SOX5: variants seen among roughly 807,000 people sequenced by gnomAD.
The protein encoded by SOX5 is transcription factor SOX-5.
In SOX5, 9 loss-of-function variants were observed where a neutral mutation model predicts 92.0. The ratio of observed to expected loss-of-function variants is 0.10; its 90% CI spans 0.06 to 0.17. The LOEUF is 0.17. Among genes scored for constraint, SOX5 ranks in the 10% least tolerant of loss-of-function variants. SOX5 has a pLI of 1.00. For synonymous variants in SOX5, 344 were observed against 336.3 expected (o/e 1.02, Z -0.25); for missense variants, 642 against 944.5 (o/e 0.68, Z 4.20).
chr12:24,012,199 G>A (rs1953026370), intron 4 of SOX5, among the ~76,000 whole-genome samples: 1 of 152,150 alleles, frequency 6.6e-6, no homozygotes. Context: ...ACAAGTGGTT[G>A]TTTATTTTTA....
intron 1 of SOX5, among the ~76,000 whole-genome samples, chr12:24,436,831 A>G (rs898543587): frequency 3.3e-5 from 5 of 152,196 alleles, no homozygotes; most frequent in Non-Finnish European, 7.3e-5. Flanking sequence ...GGGCTAATGC[A>G]CCTGGTGACT....
At chr12:23,660,283 G>A (rs2082864006) in intron 7 of SOX5, among the ~76,000 whole-genome samples, 1 of 152,168 alleles carries the variant, frequency 6.6e-6, no homozygotes. Flanking sequence ...TAATAAGACA[G>A]GCACAATATT....
intron 4 of SOX5, among the ~76,000 whole-genome samples, chr12:24,182,392 A>C (rs1020296184): frequency 1.3e-5 from 2 of 152,234 alleles, no homozygotes; most frequent in East Asian, 1.9e-4. Context: ...CATAAATCAG[A>C]TATCAGTCCA....
chr12:23,645,940 A>G (rs532016809), intron 7 of SOX5, among the ~76,000 whole-genome samples: 56 of 152,352 alleles, frequency 3.7e-4, no homozygotes, highest in Non-Finnish European at 6.9e-4. Flanking sequence ...CAGTACATAT[A>G]AGTCGTGTTT....
At position 24,424,814 on chromosome 12, in the gene SOX5, G is replaced by GGT. The variant is rs530876907; in HGVS notation, c.-250-56176_-250-56175insAC. Among the ~76,000 whole-genome samples the GGT allele has an allele frequency of 3.3e-5, 5 of 150,818 alleles. No individual in the cohort carries two copies. In the South Asian group the frequency reaches 6.4e-4, roughly 19 times the overall value. On this transcript the variant is annotated intron_variant, in intron 1 of 4. Transcript: ENST00000446891. ...TCTTTGTGAGTTTTTTTTTTGGGGG[G>GGT]GGGGGATGGCTGTTTTTCCCCCTAG...
upstream of SOX5, among the ~76,000 whole-genome samples, chr12:23,952,164 T>C (rs1290765995): frequency 6.6e-6 from 1 of 151,788 alleles, no homozygotes; most frequent in East Asian, 1.9e-4. Context: ...AGAAGGAGGA[T>C]GGGTGAGTTA....
chr12:24,029,739 T>TGAAAGAAGAAGGAATTAG, intron 4 of SOX5, among the ~76,000 whole-genome samples: 1 of 152,090 alleles, frequency 6.6e-6, no homozygotes, highest in East Asian at 1.9e-4. Context: ...TTTAAGTTCA[T>TGAAAGAAGAAGGAATTAG]GAAAGAAGAA....
intron 3 of SOX5, among the ~76,000 whole-genome samples, chr12:23,803,908 A>C (rs1314662020): frequency 6.6e-6 from 1 of 152,246 alleles, no homozygotes; most frequent in Non-Finnish European, 1.5e-5. Context: ...ATAGAATCTC[A>C]TCTGTGTGAT....
chr12:23,923,622 C>T (rs1350278411), intron 1 of SOX5, among the ~76,000 whole-genome samples: 3 of 152,082 alleles, frequency 2.0e-5, no homozygotes, highest in African/African-American at 4.8e-5. Flanking sequence ...ATAATGCAAT[C>T]CCCGCCCCAA....
At chr12:23,547,494 A>C (rs1943366667) in intron 11 of SOX5, among the ~76,000 whole-genome samples, 1 of 152,142 alleles carries the variant, frequency 6.6e-6, no homozygotes, top group Admixed American at 6.6e-5. Flanking sequence ...GATGTAAGAT[A>C]ATTGTATTAC....
intron 1 of SOX5, among the ~76,000 whole-genome samples, chr12:23,905,805 T>C (rs1329416887): frequency 6.6e-6 from 1 of 152,172 alleles, no homozygotes; most frequent in East Asian, 1.9e-4. Flanking sequence ...TATCAATACT[T>C]TTCTCATGAT....
chr12:23,936,022 T>A (rs1569118201), intron 1 of SOX5, among the ~76,000 whole-genome samples: 1 of 150,908 alleles, frequency 6.6e-6, no homozygotes, highest in African/African-American at 2.4e-5. Context: ...TGAAATGAGG[T>A]AAAAAAATAA....
intron 9 of SOX5, among the ~76,000 whole-genome samples, chr12:23,577,914 G>A (rs1949423430): frequency 6.6e-6 from 1 of 151,554 alleles, no homozygotes; most frequent in Admixed American, 6.6e-5. Context: ...GAGGTCAGGA[G>A]ATTGAGACTA....
chr12:24,543,516 A>T (rs1212788629), intron 1 of SOX5, among the ~76,000 whole-genome samples: 1 of 152,146 alleles, frequency 6.6e-6, no homozygotes, highest in Non-Finnish European at 1.5e-5. Context: ...GTGAAACTCC[A>T]TCTCTACCAA....
At chr12:24,471,770 G>A (rs1944846814) in intron 1 of SOX5, among the ~76,000 whole-genome samples, 1 of 151,934 alleles carries the variant, frequency 6.6e-6, no homozygotes, top group South Asian at 2.1e-4. Context: ...AAATGAAAAT[G>A]GTGTAGCTTT....
At chr12:24,555,557 C>A (rs1327286143) in intron 1 of SOX5, among the ~76,000 whole-genome samples, 1 of 151,990 alleles carries the variant, frequency 6.6e-6, no homozygotes. Context: ...GTGTAAAATA[C>A]ATCGGGCATT....
At chr12:23,651,747 GC>G (rs1336866975) in intron 7 of SOX5, among the ~76,000 whole-genome samples, 1 of 151,932 alleles carries the variant, frequency 6.6e-6, no homozygotes, top group Non-Finnish European at 1.5e-5. Context: ...GATGCGAGAA[GC>G]CTATGAGCTG....
chr12:24,523,710 A>G (rs1012352421), intron 1 of SOX5, among the ~76,000 whole-genome samples: 1 of 152,208 alleles, frequency 6.6e-6, no homozygotes, highest in Admixed American at 6.5e-5. Context: ...GAAATTATAC[A>G]CTTGTTTCAT....
intron 2 of SOX5, among the ~76,000 whole-genome samples, chr12:24,313,914 A>T (rs1170231148): frequency 6.6e-6 from 1 of 152,212 alleles, no homozygotes; most frequent in Non-Finnish European, 1.5e-5. Context: ...TTTATAAATA[A>T]AAATGCCCAC....
Sources: gnomAD v4.1 joint callset for allele counts (sites outside exome capture counted in the v4.1 genomes callset) on GRCh38, gnomAD v4.1.1 for gene constraint, MANE v1.5 for transcripts, NCBI Gene and HGNC (gene_info 2026-07-23, HGNC 2026-07-21) for gene names.